NIPA1: variants seen among roughly 807,000 people sequenced by gnomAD.
NIPA1 encodes the protein magnesium transporter NIPA1.
A neutral mutation model predicts 23.9 loss-of-function variants in NIPA1; 13 were observed. The ratio of observed to expected loss-of-function variants is 0.54; its 90% CI spans 0.35 to 0.87. The LOEUF (loss-of-function observed/expected upper bound fraction) is 0.87, where lower values mean the gene tolerates loss of function less well. Ranked by LOEUF, NIPA1 falls within the 40% of genes least tolerant of loss-of-function variation. The pLI, the probability that NIPA1 is intolerant of heterozygous loss-of-function variation, is 0.01. For missense variants in NIPA1, 362 were observed against 429.7 expected, an observed-to-expected ratio of 0.84 and a Z score of 1.39; for synonymous variants, 234 against 202.9, an observed-to-expected ratio of 1.15 and a Z score of -1.30.
chr15:22,797,868 G>T (rs966483040), intron 1 of NIPA1, among the ~76,000 whole-genome samples: 1 of 141,052 alleles, frequency 7.1e-6, no homozygotes. Flanking sequence ...TTTTTGAGAC[G>T]GAGTCTTGCT....
chr15:22,803,404 A>G (rs1489599733), intron 1 of NIPA1, among the ~76,000 whole-genome samples: 1 of 151,846 alleles, frequency 6.6e-6, no homozygotes, highest in African/African-American at 2.4e-5. Context: ...TATATTAACC[A>G]TACAGATATA....
chr15:22,792,460 G>A (rs1004256093), intron 1 of NIPA1, among the ~76,000 whole-genome samples: 3 of 151,974 alleles, frequency 2.0e-5, no homozygotes, highest in Admixed American at 6.6e-5. Flanking sequence ...CCAGGTTCAC[G>A]CCATTTTTCT....
At chr15:22,807,782 T>TTGTGTGTGTGTGGGTGTGTGTGTGTG (rs1895238925) in intron 1 of NIPA1, among the ~76,000 whole-genome samples, 1 of 145,826 alleles carries the variant, frequency 6.9e-6, no homozygotes, top group South Asian at 2.1e-4. Context: ...TTAAATTCAC[T>TTGTGTGTGTGTGGGTGTGTGTGTGTG]TGTGTGTGTG....
intron 1 of NIPA1, among the ~76,000 whole-genome samples, chr15:22,804,116 A>T (rs1350098520): frequency 6.6e-6 from 1 of 152,014 alleles, no homozygotes. Context: ...AGCTGGGATT[A>T]CAGGCATGAA....
At chr15:22,787,040 AG>A (rs1320564900) in intron 1 of NIPA1, among the ~76,000 whole-genome samples, 1 of 151,784 alleles carries the variant, frequency 6.6e-6, no homozygotes, top group Non-Finnish European at 1.5e-5. Flanking sequence ...GGAGCGGCCC[AG>A]GAATCACAGG....
chr15:22,789,380 C>CT (rs1472019688), intron 1 of NIPA1, among the ~76,000 whole-genome samples: 3 of 152,172 alleles, frequency 2.0e-5, no homozygotes, highest in Non-Finnish European at 4.4e-5. Context: ...GGCTTTAGCT[C>CT]TATGACTCTT....
intron 1 of NIPA1, among the ~76,000 whole-genome samples, chr15:22,788,960 T>G (rs1270440217): frequency 2.7e-5 from 4 of 150,442 alleles, no homozygotes; most frequent in Admixed American, 6.6e-5. Flanking sequence ...TTCTTATACC[T>G]ATATACTATG....
At chr15:22,821,980 A>G (rs117515157) in intron 4 of NIPA1, among the ~76,000 whole-genome samples, 2,043 of 152,354 alleles carry the variant, frequency 0.013, 25 homozygotes, top group Non-Finnish European at 0.022. Context: ...AGGTCCCACT[A>G]TAAGAGAAGA....
At chr15:22,804,000 A>C (rs1294327723) in intron 1 of NIPA1, among the ~76,000 whole-genome samples, 1 of 144,486 alleles carries the variant, frequency 6.9e-6, no homozygotes, top group African/African-American at 2.6e-5. Flanking sequence ...TTTTTGAGAC[A>C]GGGTCTCACT....
intron 4 of NIPA1, among the ~76,000 whole-genome samples, chr15:22,820,911 G>A (rs1347340038): frequency 6.6e-6 from 1 of 151,952 alleles, no homozygotes; most frequent in Non-Finnish European, 1.5e-5. Context: ...CAAAGACCTG[G>A]CATCTCTTAA....
rs148802624 is a variant in NIPA1, at chr15:22,823,870, G to A, written c.621G>A (p.Lys207=). The A allele has an allele frequency of 2.5e-6, 4 of 1,614,026 alleles. No homozygotes were observed. The African/African-American group carries it at 5.3e-5, about 22-fold the overall frequency. The change falls in exon 5 of 5, where the codon AAG becomes AAA. Residue 207 remains lysine, a synonymous_variant. Transcript: ENST00000337435. ...LLGSFTVPST[K]GIGLAAQDIL... is the part of the protein sequence containing the mutation. ...GCAGTTTCACCGTGCCTTCCACCAA[G>A]GGCATCGGGCTGGCGGCCCAAGACA...
At chr15:22,797,221 T>A (rs1348676355) in intron 1 of NIPA1, among the ~76,000 whole-genome samples, 1 of 151,782 alleles carries the variant, frequency 6.6e-6, no homozygotes, top group Non-Finnish European at 1.5e-5. Context: ...TTTGGGTTTT[T>A]TTTTTTTGGA....
chr15:22,795,465 C>T (rs1894921872), intron 1 of NIPA1, among the ~76,000 whole-genome samples: 1 of 152,150 alleles, frequency 6.6e-6, no homozygotes, highest in Non-Finnish European at 1.5e-5. Flanking sequence ...ATGGCATCTT[C>T]ACTCGAGTCT....
intron 3 of NIPA1, among the ~76,000 whole-genome samples, chr15:22,818,002 A>G (rs549941169): frequency 1.3e-5 from 2 of 152,320 alleles, no homozygotes; most frequent in East Asian, 3.9e-4. Flanking sequence ...CGAAGGGCAC[A>G]AACAACAGAA....
intron 4 of NIPA1, among the ~76,000 whole-genome samples, chr15:22,822,162 A>T (rs1895552460): frequency 6.6e-6 from 1 of 152,198 alleles, no homozygotes; most frequent in South Asian, 2.1e-4. Flanking sequence ...TTGATCAAAG[A>T]ACAATCCTCC....
rs758551462 is a variant in NIPA1 at position 22,823,721 on chromosome 15, G to T, written c.479-7G>T. On this transcript the variant is annotated splice_region_variant and splice_polypyrimidine_tract_variant and intron_variant, in intron 4 of 4. Coordinates refer to ENST00000337435, the MANE Select transcript of NIPA1 (RefSeq NM_144599.5). ...CTCCGGGTGACTGTGTGCTGTCTGT[G>T]TTCCAGTGTTTGTGGGCTACCTGTG... 126 of 1,601,374 alleles carry T rather than the reference G, an allele frequency of 7.9e-5. No homozygotes were observed. The highest frequency in any genetic ancestry group is 1.0e-4 in the Non-Finnish European group (123 of 1,177,590).
At chr15:22,794,899 A>T (rs1333841974) in intron 1 of NIPA1, among the ~76,000 whole-genome samples, 4 of 151,768 alleles carry the variant, frequency 2.6e-5, no homozygotes, top group African/African-American at 9.7e-5. Context: ...CTGTCCCCTG[A>T]CCCTGAGGGA....
intron 1 of NIPA1, among the ~76,000 whole-genome samples, chr15:22,792,229 G>T (rs1349210018): frequency 2.6e-4 from 39 of 152,342 alleles, no homozygotes; most frequent in Non-Finnish European, 8.8e-5. Flanking sequence ...GAGTGTGCCT[G>T]GGTGGGTGAG....
At position 22,807,204 on chromosome 15, in the gene NIPA1, C is replaced by G. The variant is rs558245241; in HGVS notation, c.179-3545C>G. 2.0e-5 allele frequency among the ~76,000 whole-genome samples: 3 copies of G among 152,288 alleles called. No homozygotes were observed. In the South Asian group the frequency reaches 6.2e-4, roughly 32 times the overall value. ...GTACCTGGTATTCCAGGTTCCTCCT[C>G]ATTTTGTGACTTTTGACATTTTATA... On this transcript the variant is annotated intron_variant, in intron 1 of 4. Coordinates refer to ENST00000337435, the MANE Select transcript of NIPA1 (RefSeq NM_144599.5).
Sources: gnomAD v4.1 joint callset for allele counts (sites outside exome capture counted in the v4.1 genomes callset) on GRCh38, gnomAD v4.1.1 for gene constraint, MANE v1.5 for transcripts, NCBI Gene and HGNC (gene_info 2026-07-23, HGNC 2026-07-21) for gene names.